ST3GAL4: variants seen among roughly 807,000 people sequenced by gnomAD.
ST3GAL4 encodes CMP-N-acetylneuraminate-beta-galactosamide-alpha-2,3-sialyltransferase 4.
Under a neutral mutation model 42.6 loss-of-function variants are expected in ST3GAL4, and 24 were observed. The observed-to-expected ratio is 0.56, with a 90% CI of 0.41 to 0.79. The LOEUF (loss-of-function observed/expected upper bound fraction) is 0.79. Ranked by LOEUF, ST3GAL4 falls within the 30% of genes least tolerant of loss-of-function variation. ST3GAL4 has a pLI of 0.00. For missense variants in ST3GAL4, 311 were observed against 430.8 expected (o/e 0.72, Z 2.46); for synonymous variants, 135 against 163.2 (o/e 0.83, Z 1.32).
chr11:126,392,530 C>T lies in ST3GAL4; in HGVS notation c.-60-13566C>T, dbSNP rs1953558682. 6.6e-6 allele frequency among the ~76,000 whole-genome samples: 1 copy of T among 152,194 alleles called. No homozygotes were observed. Among genetic ancestry groups the T allele is most frequent in the Non-Finnish European group, 1.5e-5 (1 of 68,030 alleles). Reference sequence around the variant, plus strand: ...GCAAGCCCCTTGTGCCTTAGATGCCCAGGTCTTTTCAGAATAAGCCTGGCT... The same window carrying T: ...GCAAGCCCCTTGTGCCTTAGATGCCTAGGTCTTTTCAGAATAAGCCTGGCT... On this transcript the variant is annotated intron_variant, in intron 1 of 10. Coordinates refer to ENST00000444328, the MANE Select transcript of ST3GAL4 (RefSeq NM_001254757.2). The surrounding 1 kb of genome is among the most constrained non-coding windows in gnomAD (Gnocchi z 5.8).
rs1169747941 is a variant in ST3GAL4 at position 126,383,285 on chromosome 11, G to A, written c.-60-22811G>A. On this transcript the variant is annotated intron_variant, in intron 1 of 10. Transcript: ENST00000444328. The surrounding 1 kb of genome is among the most constrained non-coding windows in gnomAD (Gnocchi z 4.5). ...CTTTCCGTGACTTTGGAGGAACGAG[G>A]TTCCTGAGGGCTGGCACAGCCACTC... Among the ~76,000 whole-genome samples the A allele has an allele frequency of 6.6e-6, 1 of 152,188 alleles. No individual in the cohort carries two copies. Among genetic ancestry groups the A allele is most frequent in the East Asian group, 1.9e-4 (1 of 5,190 alleles).
In ST3GAL4 at chr11:126,373,903, C is replaced by T. The variant is rs1283081449; in HGVS notation, c.-61+18061C>T. Among the ~76,000 whole-genome samples, 1 of 152,208 alleles carries T rather than the reference C, an allele frequency of 6.6e-6. No individual in the cohort carries two copies. The highest frequency in any genetic ancestry group is 1.9e-4 in the East Asian group (1 of 5,170). ...CAGCCAGGGACTGTGCCGCAGGGGC[C>T]AGAAGATATCTGACCTACTGTCACT... is the stretch of plus-strand genomic sequence containing the variant. On this transcript the variant is annotated intron_variant, in intron 1 of 10. Transcript: ENST00000444328. This position sits in a 1 kb window ranked among gnomAD's most constrained non-coding sequence, Gnocchi z 5.5.
rs1433156920 is a variant in ST3GAL4 at position 126,411,766 on chromosome 11, T to C, written c.772-1739T>C. On this transcript the variant is annotated intron_variant, in intron 9 of 10. Coordinates refer to ENST00000444328, the MANE Select transcript of ST3GAL4 (RefSeq NM_001254757.2). The surrounding 1 kb of genome is among the most constrained non-coding windows in gnomAD (Gnocchi z 6.3). ...GGAGGTGGCCCACATTTCTTGACCG[T>C]ACAGCCTCCATCTTCAAGCCAGCGA... 6.6e-6 allele frequency among the ~76,000 whole-genome samples: 1 copy of C among 152,084 alleles called. No individual in the cohort carries two copies. Among genetic ancestry groups the C allele is most frequent in the African/African-American group, 2.4e-5 (1 of 41,416 alleles).
chr11:126,408,508 G>T lies in ST3GAL4; in HGVS notation c.627+12G>T. ...GTGATAAGAAGCGGGTAAGTTGGGG[G>T]ACAGACTGGGGGCTGAGGCCTGGCG... On this transcript the variant is annotated intron_variant, in intron 8 of 10. Transcript: ENST00000444328. 6.2e-7 allele frequency: 1 copy of T among 1,613,718 alleles called. No homozygotes were observed. Among genetic ancestry groups the T allele is most frequent in the Non-Finnish European group, 8.5e-7 (1 of 1,179,954 alleles).
At chr11:126,362,385 A>C (rs1952273813) in intron 1 of ST3GAL4, among the ~76,000 whole-genome samples, 2 of 150,394 alleles carry the variant, frequency 1.3e-5, no homozygotes, top group African/African-American at 4.9e-5. Flanking sequence ...TTTTTAGTAG[A>C]GATGGGGGTC....
intron 1 of ST3GAL4, among the ~76,000 whole-genome samples, chr11:126,368,068 A>G (rs946498777): frequency 6.6e-6 from 1 of 151,144 alleles, no homozygotes. Context: ...AATCCTTTGA[A>G]TTCAGGAGGT....
At chr11:126,385,750 G>T (rs1298769883) in intron 1 of ST3GAL4, among the ~76,000 whole-genome samples, 1 of 151,966 alleles carries the variant, frequency 6.6e-6, no homozygotes, top group Non-Finnish European at 1.5e-5. Flanking sequence ...GGTGGCTCAC[G>T]CCTGTAATTT....
intron 1 of ST3GAL4, among the ~76,000 whole-genome samples, chr11:126,405,132 G>A (rs1166301470): frequency 1.3e-5 from 2 of 152,346 alleles, no homozygotes; most frequent in South Asian, 4.1e-4. Context: ...TTAGGAAGTG[G>A]TCCAAAGGAC....
Position 126,414,151 on chromosome 11 carries a change from A to C in ST3GAL4, c.*104A>C. On this transcript the variant is annotated 3_prime_UTR_variant, in exon 11 of 11. Transcript: ENST00000444328. Reference sequence around the variant, plus strand: ...GTGCCAGTATGACCCACTTGGACTCACCCCCTCTTGGGGAGGGAGTTCTGG... The same window carrying C: ...GTGCCAGTATGACCCACTTGGACTCCCCCCCTCTTGGGGAGGGAGTTCTGG... 8.9e-7 allele frequency: 1 copy of C among 1,124,618 alleles called. No homozygotes were observed. Among genetic ancestry groups the C allele is most frequent in the East Asian group, 2.4e-5 (1 of 42,102 alleles). 69.7% of individuals were successfully genotyped at this position (1,124,618 alleles called of 1,614,324 possible). A position where few individuals can be genotyped will look rare whatever the true frequency, so the allele number is the denominator to read the frequency against.
rs745695874 is a variant in ST3GAL4, at chr11:126,408,548, C to G, written c.627+52C>G. 2.5e-6 allele frequency: 4 copies of G among 1,593,750 alleles called. No individual in the cohort carries two copies. In the South Asian group the frequency reaches 3.3e-5, roughly 13 times the overall value. On this transcript the variant is annotated intron_variant, in intron 8 of 10. Coordinates refer to ENST00000444328, the MANE Select transcript of ST3GAL4 (RefSeq NM_001254757.2). ...GAGGCCTGGCGGTGGGGACGCTGCC[C>G]GAGTCAGGACCTCACGCTCCTTGAT...
intron 1 of ST3GAL4, among the ~76,000 whole-genome samples, chr11:126,356,752 C>G (rs1952080963): frequency 6.6e-6 from 1 of 152,256 alleles, no homozygotes; most frequent in South Asian, 2.1e-4. Flanking sequence ...TTGGGGAAGC[C>G]TGTACTTTCC....
rs1314194396 is a variant in ST3GAL4 at position 126,373,386 on chromosome 11, C to A, written c.-61+17544C>A. On this transcript the variant is annotated intron_variant, in intron 1 of 10. Coordinates refer to ENST00000444328, the MANE Select transcript of ST3GAL4 (RefSeq NM_001254757.2). This position sits in a 1 kb window ranked among gnomAD's most constrained non-coding sequence, Gnocchi z 5.5. ...GACCTGGAGCAGGTCCACACAGGCACTGGATTTGTCCTTTACTTTGGGCCC... is the reference window on the plus strand; with the variant it reads ...GACCTGGAGCAGGTCCACACAGGCAATGGATTTGTCCTTTACTTTGGGCCC... Among the ~76,000 whole-genome samples the A allele has an allele frequency of 6.6e-6, 1 of 152,168 alleles. No individual in the cohort carries two copies. The highest frequency in any genetic ancestry group is 1.9e-4 in the East Asian group (1 of 5,194).
chr11:126,364,323 A>T (rs1166614730), intron 1 of ST3GAL4, among the ~76,000 whole-genome samples: 2 of 148,344 alleles, frequency 1.3e-5, no homozygotes, highest in Admixed American at 6.7e-5. Flanking sequence ...AGGGACCGGG[A>T]GGAGAGGGCA....
intron 1 of ST3GAL4, among the ~76,000 whole-genome samples, chr11:126,377,987 C>T (rs1294723300): frequency 6.6e-6 from 1 of 152,104 alleles, no homozygotes; most frequent in Non-Finnish European, 1.5e-5. Context: ...GAAACGGGCT[C>T]TTACAGAAGT....
At chr11:126,380,259 CAA>C (rs781686402) in intron 1 of ST3GAL4, among the ~76,000 whole-genome samples, 48 of 114,508 alleles carry the variant, frequency 4.2e-4, no homozygotes, top group Admixed American at 3.7e-4. Context: ...GAGACTGTAT[CAA>C]AAAAAAAAAA....
chr11:126,407,239 C>T lies in ST3GAL4; in HGVS notation c.183-13C>T. The T allele has an allele frequency of 5.0e-6, 8 of 1,613,988 alleles. No individual in the cohort carries two copies. Among genetic ancestry groups the T allele is most frequent in the Non-Finnish European group, 6.8e-6 (8 of 1,179,832 alleles). ...TCTGTTCTCATCCCCACCCGGCTTTCACCTCTGTGCAGCTACTCCCGGGAT... is the reference window on the plus strand; with the variant it reads ...TCTGTTCTCATCCCCACCCGGCTTTTACCTCTGTGCAGCTACTCCCGGGAT... On this transcript the variant is annotated splice_polypyrimidine_tract_variant and intron_variant, in intron 4 of 10. Coordinates refer to ENST00000444328, the MANE Select transcript of ST3GAL4 (RefSeq NM_001254757.2).
Position 126,409,116 on chromosome 11 carries a change from C to A in ST3GAL4, c.628-152C>A. ...TCCTCTCCTGGTCTCCCATCTGTGG[C>A]ACAGACTTCACCTCCCTTTCCTCTC... On this transcript the variant is annotated intron_variant, in intron 8 of 10. Coordinates refer to ENST00000444328, the MANE Select transcript of ST3GAL4 (RefSeq NM_001254757.2). This position sits in a 1 kb window ranked among gnomAD's most constrained non-coding sequence, Gnocchi z 4.9. 1 of 991,252 alleles carries A rather than the reference C, an allele frequency of 1.0e-6. No individual in the cohort carries two copies. Among genetic ancestry groups the A allele is most frequent in the Non-Finnish European group, 1.5e-6 (1 of 665,060 alleles). 61.4% of individuals were successfully genotyped at this position (991,252 alleles called of 1,614,324 possible).
At chr11:126,390,618 C>CTTTTTTTTTTT (rs58153137) in intron 1 of ST3GAL4, among the ~76,000 whole-genome samples, 354 of 126,404 alleles carry the variant, frequency 2.8e-3, no homozygotes, top group Middle Eastern at 4.4e-3. Flanking sequence ...GTGTTCTTTG[C>CTTTTTTTTTTT]TTTTTTTTTT....
At chr11:126,372,512 G>T (rs1398270365) in intron 1 of ST3GAL4, among the ~76,000 whole-genome samples, 1 of 151,552 alleles carries the variant, frequency 6.6e-6, no homozygotes, top group African/African-American at 2.4e-5. Context: ...TGCCTCCTGG[G>T]TTCAAGCGAT....
Sources: allele counts gnomAD v4.1 joint callset (sites outside exome capture counted in the v4.1 genomes callset), GRCh38; gene constraint gnomAD v4.1.1; non-coding constraint Gnocchi (gnomAD v3.1); transcripts MANE v1.5; gene names NCBI Gene and HGNC (gene_info 2026-07-23, HGNC 2026-07-21).